Variants in UBXN2A observed in about 807,000 individuals in gnomAD.
UBXN2A encodes the protein UBX domain-containing protein 2A.
A neutral mutation model predicts 28.4 loss-of-function variants in UBXN2A; 28 were observed. The ratio of observed to expected loss-of-function variants is 0.99; its 90% CI spans 0.73 to 1.35. UBXN2A has a LOEUF of 1.35. Among genes scored for constraint, UBXN2A ranks in the 40% most tolerant of loss-of-function variants. UBXN2A has a pLI of 0.00. For synonymous variants in UBXN2A, 97 were observed against 103.6 expected (o/e 0.94, Z 0.39); for missense variants, 253 against 297.9 (o/e 0.85, Z 1.11).
At chr2:23,932,843 C>T (rs1259000791) in intron 1 of UBXN2A, among the ~76,000 whole-genome samples, 3 of 152,192 alleles carry the variant, frequency 2.0e-5, no homozygotes, top group Non-Finnish European at 2.9e-5. Flanking sequence ...CGGTGGCTCA[C>T]GCCTGTAATC....
At chr2:23,944,147 A>C in intron 1 of UBXN2A, 1 of 986,116 alleles carries the variant, frequency 1.0e-6, no homozygotes, top group South Asian at 1.3e-5. Flanking sequence ...TCTTACTTGG[A>C]ACTCATTGGT....
upstream of UBXN2A, chr2:23,939,777 C>T (rs1433508801): frequency 6.6e-6 from 1 of 152,458 alleles, no homozygotes. Flanking sequence ...CTGACAAAGT[C>T]ACATGCGGAA....
At chr2:23,989,149 T>C (rs1487515590) in intron 6 of UBXN2A, among the ~76,000 whole-genome samples, 1 of 152,088 alleles carries the variant, frequency 6.6e-6, no homozygotes, top group East Asian at 1.9e-4. Flanking sequence ...ATTTCAAAAA[T>C]TGAAGAGGGG....
At chr2:23,950,738 C>G (rs1706322012) in intron 1 of UBXN2A, among the ~76,000 whole-genome samples, 1 of 150,264 alleles carries the variant, frequency 6.7e-6, no homozygotes, top group African/African-American at 2.5e-5. Context: ...AAGTTTTGCT[C>G]TTACGCCCAG....
intron 1 of UBXN2A, among the ~76,000 whole-genome samples, chr2:23,951,521 T>C (rs906385532): frequency 6.0e-5 from 9 of 149,696 alleles, no homozygotes; most frequent in African/African-American, 2.2e-4. Flanking sequence ...AGTGCAGTGG[T>C]GCGAGCTTGG....
At chr2:23,993,689 T>A (rs921107151) in intron 6 of UBXN2A, among the ~76,000 whole-genome samples, 3 of 139,998 alleles carry the variant, frequency 2.1e-5, no homozygotes, top group Non-Finnish European at 4.6e-5. Context: ...TTTAATTTTT[T>A]AATTTTTTTT....
intron 1 of UBXN2A, among the ~76,000 whole-genome samples, chr2:23,957,412 C>T (rs1242822808): frequency 6.6e-6 from 1 of 152,156 alleles, no homozygotes; most frequent in Non-Finnish European, 1.5e-5. Flanking sequence ...AAGTGATTCT[C>T]CTGCCTCAGC....
chr2:23,967,067 A>G (rs1707211796), intron 2 of UBXN2A, among the ~76,000 whole-genome samples: 2 of 151,770 alleles, frequency 1.3e-5, no homozygotes, highest in Non-Finnish European at 2.9e-5. Context: ...TGTATTTTCT[A>G]TTGTAACTAT....
rs1708736911 is a variant in UBXN2A at position 24,002,256 on chromosome 2, T to G, written c.*2389T>G. On this transcript the variant is annotated 3_prime_UTR_variant, in exon 7 of 7. Coordinates refer to ENST00000309033, the MANE Select transcript of UBXN2A (RefSeq NM_181713.4). ...CATGTCTGTACTAAAAATACAAAAA[T>G]TAGCCTGGTGTGGTGGCACATGCCT... The G allele has an allele frequency of 6.6e-6, 1 of 151,624 alleles. No individual in the cohort carries two copies. Among genetic ancestry groups the G allele is most frequent in the Non-Finnish European group, 1.5e-5 (1 of 67,982 alleles). 9.4% of individuals were successfully genotyped at this position (151,624 alleles called of 1,614,324 possible). A position where few individuals can be genotyped will look rare whatever the true frequency, so the allele number is the denominator to read the frequency against.
Position 23,958,359 on chromosome 2 carries a change from A to G in UBXN2A, c.41+4A>G, listed in dbSNP as rs1706737007. 1 of 1,603,566 alleles carries G rather than the reference A, an allele frequency of 6.2e-7. No homozygotes were observed. The highest frequency in any genetic ancestry group is 1.7e-5 in the Admixed American group (1 of 57,530). On this transcript the variant is annotated splice_donor_region_variant and intron_variant, in intron 2 of 6. Transcript: ENST00000309033. Reference sequence around the variant, plus strand: ...TCAAAAGTATAAAAGAAGAATGGTAAGTTAATTCAAACTGAATTGCTTTGT... The same window carrying G: ...TCAAAAGTATAAAAGAAGAATGGTAGGTTAATTCAAACTGAATTGCTTTGT...
At chr2:23,947,103 A>G (rs1442425136) in intron 1 of UBXN2A, among the ~76,000 whole-genome samples, 1 of 152,082 alleles carries the variant, frequency 6.6e-6, no homozygotes, top group Non-Finnish European at 1.5e-5. Context: ...GCCTAGGCTG[A>G]TCTTGAACTC....
chr2:23,944,291 C>G (rs1024785805), intron 1 of UBXN2A: 2 of 1,604,912 alleles, frequency 1.2e-6, no homozygotes, highest in Non-Finnish European at 1.7e-6. Flanking sequence ...CCCAGCTATA[C>G]CAGTCTGGAG....
intron 2 of UBXN2A, among the ~76,000 whole-genome samples, chr2:23,964,366 A>G (rs1707074751): frequency 6.6e-6 from 1 of 152,062 alleles, no homozygotes; most frequent in Non-Finnish European, 1.5e-5. Flanking sequence ...GTGTGCCACC[A>G]CACCCGGCTA....
At chr2:23,934,341 T>C (rs1705462526) in intron 1 of UBXN2A, among the ~76,000 whole-genome samples, 3 of 152,234 alleles carry the variant, frequency 2.0e-5, no homozygotes, top group Non-Finnish European at 4.4e-5. Context: ...TTTCAAATAT[T>C]CAATAAGCAA....
At position 23,946,265 on chromosome 2, in the gene UBXN2A, G is replaced by A. The variant is rs187306981; in HGVS notation, c.-15+5617G>A. On this transcript the variant is annotated intron_variant, in intron 1 of 6. Transcript: ENST00000309033. ...GCTTCCGGGTTCAAGCGATTCTCCC[G>A]CCTCAGCCTCCTGAGTAGCTTGGGA... Among the ~76,000 whole-genome samples, 18 of 151,874 alleles carry A rather than the reference G, an allele frequency of 1.2e-4. No individual in the cohort carries two copies. The East Asian group carries it at 2.3e-3, about 20-fold the overall frequency.
At position 24,002,598 on chromosome 2, in the gene UBXN2A, CG is replaced by C. The variant is rs1235050629; in HGVS notation, c.*2735del. ...CTAATTTTTGTATTTTTAGTAGAGA[CG>C]GGGTTTCGCCATGTTGGCCTGGCTG... On this transcript the variant is annotated 3_prime_UTR_variant, in exon 7 of 7. Transcript: ENST00000309033. 3.3e-5 allele frequency: 5 copies of C among 152,004 alleles called. No homozygotes were observed. The highest frequency in any genetic ancestry group is 7.3e-5 in the Non-Finnish European group (5 of 68,028). The allele number at this position is 152,004 out of a possible 1,614,324, so 9.4% of individuals were successfully genotyped here. A position where few individuals can be genotyped will look rare whatever the true frequency, so the allele number is the denominator to read the frequency against.
At chr2:23,930,459 C>T (rs1249070538) in intron 1 of UBXN2A, among the ~76,000 whole-genome samples, 2 of 152,086 alleles carry the variant, frequency 1.3e-5, no homozygotes, top group African/African-American at 2.4e-5. Flanking sequence ...AAGAATGAGG[C>T]AGAGACCATT....
chr2:23,999,375 AAGAT>A (rs1708657894), intron 6 of UBXN2A, among the ~76,000 whole-genome samples: 1 of 152,214 alleles, frequency 6.6e-6, no homozygotes, highest in Non-Finnish European at 1.5e-5. Flanking sequence ...CAAACTTTAA[AAGAT>A]AGCCCAAATA....
intron 1 of UBXN2A, among the ~76,000 whole-genome samples, chr2:23,933,243 A>G (rs1348778390): frequency 2.0e-5 from 3 of 152,242 alleles, no homozygotes; most frequent in Non-Finnish European, 4.4e-5. Flanking sequence ...GTGGGGGCTT[A>G]TGCCTGTAAT....
Sources: allele counts gnomAD v4.1 joint callset (sites outside exome capture counted in the v4.1 genomes callset), GRCh38; gene constraint gnomAD v4.1.1; transcripts MANE v1.5; gene names NCBI Gene and HGNC (gene_info 2026-07-23, HGNC 2026-07-21).